Variants in DGKI observed in about 807,000 individuals in gnomAD.
DGKI encodes the protein DAG kinase iota.
A neutral mutation model predicts 147.5 loss-of-function variants in DGKI; 55 were observed. That is an observed-to-expected ratio of 0.37 (90% CI 0.30 to 0.47). DGKI has a LOEUF of 0.47. DGKI is among the 20% of genes least tolerant of loss of function. DGKI has a pLI of 1.00. For missense variants in DGKI, 1,007 were observed against 1,323.8 expected (o/e 0.76, Z 3.71); for synonymous variants, 469 against 477.1 (o/e 0.98, Z 0.22).
intron 28 of DGKI, among the ~76,000 whole-genome samples, chr7:137,435,451 A>G (rs1813243509): frequency 6.6e-6 from 1 of 152,082 alleles, no homozygotes; most frequent in South Asian, 2.1e-4. Flanking sequence ...GAGAGATGGT[A>G]GGAGGTGACA....
intron 23 of DGKI, among the ~76,000 whole-genome samples, chr7:137,477,349 G>A (rs1354801365): frequency 6.6e-6 from 1 of 152,094 alleles, no homozygotes; most frequent in Non-Finnish European, 1.5e-5. Flanking sequence ...CACAAATATA[G>A]CCAATCTTAA....
chr7:137,540,117 A>T (rs1339034042), intron 20 of DGKI, among the ~76,000 whole-genome samples: 1 of 152,360 alleles, frequency 6.6e-6, no homozygotes, highest in Non-Finnish European at 1.5e-5. Flanking sequence ...AAGAGGAAAA[A>T]ATCTTGTGGC....
Position 137,473,541 on chromosome 7 carries a change from C to T in DGKI, c.2374-3922G>A, listed in dbSNP as rs894127198. On this transcript the variant is annotated intron_variant, in intron 23 of 32. Transcript: ENST00000614521. ...AATTTAAAGAATCAAAAATTTATGT[C>T]ACAGAGAATTCAACAAAATAAGAAG... Among the ~76,000 whole-genome samples the T allele has an allele frequency of 2.6e-5, 4 of 152,076 alleles. No homozygotes were observed. The South Asian group carries it at 8.3e-4, about 32-fold the overall frequency.
intron 1 of DGKI, among the ~76,000 whole-genome samples, chr7:137,757,969 A>G (rs1795740110): frequency 6.6e-6 from 1 of 152,222 alleles, no homozygotes; most frequent in Admixed American, 6.5e-5. Flanking sequence ...TGGGGAAATC[A>G]GTCTTCTTAA....
In DGKI at chr7:137,643,205, G is replaced by C. The variant is rs141367365; in HGVS notation, c.804+2267C>G. Among the ~76,000 whole-genome samples, 1,212 of 146,506 alleles carry C rather than the reference G, an allele frequency of 8.3e-3. 18 individuals are homozygous for C. The highest frequency in any genetic ancestry group is 0.03 in the African/African-American group (1,174 of 39,404). ...ACTTGGGAGGCTGAGGCAGGAGAAT[G>C]GCATGAACCTGGGAGGCGGAGCTTG... On this transcript the variant is annotated intron_variant, in intron 6 of 32. Coordinates refer to ENST00000614521, the MANE Select transcript of DGKI (RefSeq NM_001321708.2).
chr7:137,694,078 T>C (rs949553222), intron 1 of DGKI, among the ~76,000 whole-genome samples: 1 of 152,140 alleles, frequency 6.6e-6, no homozygotes, highest in Admixed American at 6.5e-5. Context: ...TCCCAGCACT[T>C]TGGGAGGCCG....
chr7:137,536,499 T>C (rs1817525357), intron 20 of DGKI, among the ~76,000 whole-genome samples: 1 of 152,154 alleles, frequency 6.6e-6, no homozygotes. Context: ...GACAACGCTG[T>C]CTTGTCCCAT....
chr7:137,566,249 T>A (rs1037568522), intron 19 of DGKI, among the ~76,000 whole-genome samples: 2 of 152,122 alleles, frequency 1.3e-5, no homozygotes, highest in African/African-American at 4.8e-5. Flanking sequence ...GTTTACATAA[T>A]CATCTTAAAC....
chr7:137,601,482 C>T (rs2128990038), intron 10 of DGKI, among the ~76,000 whole-genome samples: 1 of 152,286 alleles, frequency 6.6e-6, no homozygotes, highest in South Asian at 2.1e-4. Flanking sequence ...ATCTAATAAG[C>T]TGCATTTAAG....
intron 28 of DGKI, among the ~76,000 whole-genome samples, chr7:137,435,638 G>C (rs572210364): frequency 6.6e-6 from 1 of 151,734 alleles, no homozygotes; most frequent in African/African-American, 2.4e-5. Context: ...ATCTGATATG[G>C]GGCAAAAAAA....
chr7:137,508,737 C>T (rs2128946588), intron 21 of DGKI, among the ~76,000 whole-genome samples: 1 of 152,118 alleles, frequency 6.6e-6, no homozygotes, highest in Admixed American at 6.5e-5. Flanking sequence ...GACAGAGCCC[C>T]TCTCTCTCAG....
At chr7:137,688,655 A>G (rs973058667) in intron 2 of DGKI, among the ~76,000 whole-genome samples, 3 of 152,172 alleles carry the variant, frequency 2.0e-5, no homozygotes, top group Non-Finnish European at 4.4e-5. Context: ...GATACATAAT[A>G]CACTCTCATC....
intron 28 of DGKI, among the ~76,000 whole-genome samples, chr7:137,423,895 T>G (rs1041623090): frequency 6.6e-6 from 1 of 152,236 alleles, no homozygotes; most frequent in Non-Finnish European, 1.5e-5. Context: ...ATACTTTAAG[T>G]TCTGGGATAC....
At chr7:137,596,680 T>C (rs895132372) in intron 12 of DGKI, among the ~76,000 whole-genome samples, 1 of 152,180 alleles carries the variant, frequency 6.6e-6, no homozygotes, top group African/African-American at 2.4e-5. Flanking sequence ...TGAAGAAAGA[T>C]AAAGACTATT....
At chr7:137,729,527 G>C (rs1476620785) in intron 1 of DGKI, among the ~76,000 whole-genome samples, 1 of 152,114 alleles carries the variant, frequency 6.6e-6, no homozygotes, top group African/African-American at 2.4e-5. Context: ...TCTTTGATTT[G>C]TAAAGAAATT....
intron 1 of DGKI, among the ~76,000 whole-genome samples, chr7:137,772,794 AG>A (rs1398233415): frequency 6.6e-6 from 1 of 152,254 alleles, no homozygotes; most frequent in Non-Finnish European, 1.5e-5. Flanking sequence ...TTGCATTAAA[AG>A]TTATGGCATT....
chr7:137,569,712 G>C (rs1468645370), intron 19 of DGKI, among the ~76,000 whole-genome samples: 2 of 97,436 alleles, frequency 2.1e-5, no homozygotes, highest in East Asian at 3.2e-4. Flanking sequence ...CTGGGCAACA[G>C]AGTGAGACTC....
At chr7:137,759,794 T>G (rs1288481182) in intron 1 of DGKI, among the ~76,000 whole-genome samples, 1 of 152,130 alleles carries the variant, frequency 6.6e-6, no homozygotes, top group Non-Finnish European at 1.5e-5. Context: ...TCCCTTTCTT[T>G]CTCTGTTTCT....
chr7:137,809,889 G>A (rs950622068), intron 1 of DGKI, among the ~76,000 whole-genome samples: 4 of 150,730 alleles, frequency 2.7e-5, no homozygotes, highest in Admixed American at 6.6e-5. Context: ...GAGCAACAGC[G>A]CAAAACCCAG....
Sources: allele counts gnomAD v4.1 joint callset (sites outside exome capture counted in the v4.1 genomes callset), GRCh38; gene constraint gnomAD v4.1.1; transcripts MANE v1.5; gene names NCBI Gene and HGNC (gene_info 2026-07-23, HGNC 2026-07-21).